ZBBX: variants seen among roughly 807,000 people sequenced by gnomAD.
The protein encoded by ZBBX is zinc finger B-box domain-containing protein 1.
ZBBX carries 101 observed loss-of-function variants against 108.5 expected under a neutral mutation model. That is an observed-to-expected ratio of 0.93 (90% CI 0.79 to 1.10). The LOEUF (loss-of-function observed/expected upper bound fraction) is 1.10, where lower values mean the gene tolerates loss of function less well. Ranked by LOEUF, ZBBX falls within the 50% of genes least tolerant of loss-of-function variation. ZBBX has a pLI of 0.00. For synonymous variants in ZBBX, 356 were observed against 323.4 expected (o/e 1.10, Z -1.08); for missense variants, 1,009 against 941.4 (o/e 1.07, Z -0.94).
intron 1 of ZBBX, among the ~76,000 whole-genome samples, chr3:167,394,272 A>G (rs1748164326): frequency 6.6e-6 from 1 of 151,864 alleles, no homozygotes; most frequent in African/African-American, 2.4e-5. Flanking sequence ...TTTTTCCTCA[A>G]TCTTTACAAA....
At chr3:167,327,541 A>T (rs1371054105) in intron 11 of ZBBX, among the ~76,000 whole-genome samples, 18 of 152,204 alleles carry the variant, frequency 1.2e-4, no homozygotes, top group Non-Finnish European at 1.5e-5. Flanking sequence ...GTGTTTATAG[A>T]TTTTGAATAT....
At position 167,368,443 on chromosome 3, in the gene ZBBX, T is replaced by C. The variant is rs1343548090; in HGVS notation, c.182+18A>G. ...AATTTAGTTGATTCATCTAAAATTC[T>C]CTAAGAGTTTCACTCACTCTCTATC... is the stretch of plus-strand genomic sequence containing the variant. On this transcript the variant is annotated intron_variant, in intron 5 of 21. Transcript: ENST00000675490. 1 of 1,555,498 alleles carries C rather than the reference T, an allele frequency of 6.4e-7. No individual in the cohort carries two copies. Among genetic ancestry groups the C allele is most frequent in the Non-Finnish European group, 8.9e-7 (1 of 1,128,088 alleles).
At position 167,240,744 on chromosome 3, in the gene ZBBX, T is replaced by C. The variant is rs1345898002; in HGVS notation, c.*49A>G. ...ATCACTTGGTTACTTTTCTCAGTTG[T>C]TTGCTTTACTCTGGGTACAAAATGG... On this transcript the variant is annotated 3_prime_UTR_variant, in exon 22 of 22. Transcript: ENST00000675490. The C allele has an allele frequency of 4.4e-6, 7 of 1,585,716 alleles. No individual in the cohort carries two copies. The African/African-American group carries it at 6.8e-5, about 15-fold the overall frequency.
intron 10 of ZBBX, chr3:167,331,686 A>G (rs1738657523): frequency 5.4e-6 from 5 of 927,806 alleles, no homozygotes; most frequent in Non-Finnish European, 6.4e-6. Context: ...GACCTTGCCC[A>G]ATGCTAAAAG....
At position 167,350,489 on chromosome 3, in the gene ZBBX, A is replaced by G. The variant is rs898685924; in HGVS notation, c.459T>C (p.Tyr153=). The change falls in exon 9 of 22, where the codon TAT becomes TAC. Residue 153 remains tyrosine, a synonymous_variant. Coordinates refer to ENST00000675490, the MANE Select transcript of ZBBX (RefSeq NM_001199201.2). ...LLVCLECGED[Y]CSGCFAKVHQ... is the part of the protein sequence containing the mutation. Reference sequence around the variant, plus strand: ...GAACTTTAGCAAAGCATCCTGAACAATAATCTTCTCCACATTCAAGGCATA... The same window carrying G: ...GAACTTTAGCAAAGCATCCTGAACAGTAATCTTCTCCACATTCAAGGCATA... 5.7e-6 allele frequency: 9 copies of G among 1,591,608 alleles called. No homozygotes were observed. The highest frequency in any genetic ancestry group is 6.9e-6 in the Non-Finnish European group (8 of 1,166,458).
the ZBBX span, among the ~76,000 whole-genome samples, chr3:167,190,449 C>T: frequency 2.0e-4 from 30 of 147,390 alleles, no homozygotes; most frequent in East Asian, 3.7e-3. Context: ...GGCGCAATCT[C>T]GGCTCACTGC....
the ZBBX span, among the ~76,000 whole-genome samples, chr3:167,206,708 T>G: frequency 6.6e-6 from 1 of 152,006 alleles, no homozygotes; most frequent in South Asian, 2.1e-4. Context: ...GAAAAAAAAG[T>G]TGGAGGCATC....
chr3:167,242,448 G>A, intron 21 of ZBBX, 57 bp downstream of exon 21: 1 of 1,426,272 alleles, frequency 7.0e-7, no homozygotes, highest in Non-Finnish European at 9.4e-7. Context: ...ACTAGTTGGA[G>A]CTTGTCAAAA....
At chr3:167,187,354 C>A in the ZBBX span, among the ~76,000 whole-genome samples, 1 of 152,256 alleles carries the variant, frequency 6.6e-6, no homozygotes, top group South Asian at 2.1e-4. Flanking sequence ...TCCCTTCACC[C>A]TACCCCAGAA....
intron 16 of ZBBX, among the ~76,000 whole-genome samples, chr3:167,309,091 A>C (rs193178470): frequency 6.6e-6 from 1 of 152,314 alleles, no homozygotes; most frequent in Non-Finnish European, 1.5e-5. Context: ...TGAGTAACTC[A>C]TCTTTTAATT....
intron 6 of ZBBX, among the ~76,000 whole-genome samples, chr3:167,364,639 G>A (rs931834376): frequency 6.6e-6 from 1 of 151,934 alleles, no homozygotes; most frequent in Non-Finnish European, 1.5e-5. Flanking sequence ...AGCACTTAAT[G>A]AGATAAGAAA....
chr3:167,203,484 C>T, the ZBBX span, among the ~76,000 whole-genome samples: 428 of 151,996 alleles, frequency 2.8e-3, 1 homozygote, highest in Non-Finnish European at 4.0e-3. Context: ...TGTATGTGTA[C>T]GTATGCTAAG....
At chr3:167,294,404 C>T (rs1731268624) in intron 18 of ZBBX, among the ~76,000 whole-genome samples, 1 of 152,122 alleles carries the variant, frequency 6.6e-6, no homozygotes, top group Admixed American at 6.6e-5. Context: ...ACATCTATAG[C>T]CATCTGATCT....
chr3:167,224,260 A>AT, the ZBBX span, among the ~76,000 whole-genome samples: 20 of 151,980 alleles, frequency 1.3e-4, no homozygotes, highest in South Asian at 3.7e-3. Context: ...ACTTCCATGT[A>AT]TTTTTTTATA....
chr3:167,390,623 G>C (rs1748058301), intron 1 of ZBBX, among the ~76,000 whole-genome samples: 1 of 151,908 alleles, frequency 6.6e-6, no homozygotes, highest in African/African-American at 2.4e-5. Flanking sequence ...CTATCCATGA[G>C]CATGGAATAT....
rs747876325 is a variant in ZBBX at position 167,305,737 on chromosome 3, T to C, written c.1631A>G (p.Glu544Gly). Reference sequence around the variant, plus strand: ...TTCTTTGATGTCTTGAGATAATTTCTCCTCAATGGGAGCTTTTTCTAAATC... The same window carrying C: ...TTCTTTGATGTCTTGAGATAATTTCCCCTCAATGGGAGCTTTTTCTAAATC... ...GRDLEKAPIE[E>G]KLSQDIKESL... is the part of the protein sequence containing the mutation. The change falls in exon 17 of 22, where the codon GAG becomes GGG. Residue 544 changes from glutamate (E) to glycine (G), a missense_variant. Glu to Gly is a moderately conservative substitution (Grantham distance 98, BLOSUM62 -2). Transcript: ENST00000675490. 28 of 1,612,302 alleles carry C rather than the reference T, an allele frequency of 1.7e-5. No individual in the cohort carries two copies. The highest frequency in any genetic ancestry group is 4.0e-5 in the African/African-American group (3 of 74,882).
the ZBBX span, among the ~76,000 whole-genome samples, chr3:167,185,253 G>A: frequency 6.6e-6 from 1 of 152,090 alleles, no homozygotes; most frequent in Admixed American, 6.6e-5. Context: ...ATTATGCTGA[G>A]TGAAAGAAGC....
chr3:167,201,001 A>T, the ZBBX span, among the ~76,000 whole-genome samples: 27 of 152,294 alleles, frequency 1.8e-4, no homozygotes, highest in African/African-American at 6.3e-4. Flanking sequence ...GATAGGCATC[A>T]TGAGCCTGGG....
At chr3:167,185,787 G>A in the ZBBX span, among the ~76,000 whole-genome samples, 2 of 152,008 alleles carry the variant, frequency 1.3e-5, no homozygotes, top group South Asian at 4.2e-4. Context: ...CCACCTACAA[G>A]TAAGTATTTT....
Sources: allele counts gnomAD v4.1 joint callset (sites outside exome capture counted in the v4.1 genomes callset), GRCh38; gene constraint gnomAD v4.1.1; transcripts MANE v1.5; gene names NCBI Gene and HGNC (gene_info 2026-07-23, HGNC 2026-07-21).